CADM2: variants seen among roughly 807,000 people sequenced by gnomAD.
CADM2 encodes the protein cell adhesion molecule 2, also known as immunoglobulin superfamily member 4D.
A neutral mutation model predicts 49.8 loss-of-function variants in CADM2; 12 were observed. That is an observed-to-expected ratio of 0.24 (90% confidence interval 0.15 to 0.39). CADM2 has a LOEUF of 0.39. Ranked by LOEUF, CADM2 falls within the 10% of genes least tolerant of loss-of-function variation. The pLI, the probability that CADM2 is intolerant of heterozygous loss-of-function variation, is 1.00. For synonymous variants in CADM2, 214 were observed against 175.4 expected (o/e 1.22, Z -1.74); for missense variants, 378 against 492.3 (o/e 0.77, Z 2.20).
intron 1 of CADM2, among the ~76,000 whole-genome samples, chr3:85,552,298 T>G (rs959461758): frequency 6.6e-6 from 1 of 151,222 alleles, no homozygotes; most frequent in Non-Finnish European, 1.5e-5. Context: ...AATAATAATT[T>G]GGAGACAGGT....
intron 1 of CADM2, among the ~76,000 whole-genome samples, chr3:85,404,512 G>A (rs956501046): frequency 1.3e-5 from 2 of 152,060 alleles, no homozygotes; most frequent in African/African-American, 2.4e-5. Flanking sequence ...ATGCTTTTGA[G>A]AATTAAGTAT....
chr3:85,547,462 A>AT (rs2061695553), intron 1 of CADM2, among the ~76,000 whole-genome samples: 2 of 150,300 alleles, frequency 1.3e-5, no homozygotes, highest in East Asian at 2.0e-4. Context: ...GACTTGCATT[A>AT]TTTTTTGTCA....
chr3:85,366,470 C>A (rs1389519720), intron 1 of CADM2, among the ~76,000 whole-genome samples: 1 of 152,070 alleles, frequency 6.6e-6, no homozygotes, highest in African/African-American at 2.4e-5. Context: ...TATGACAATG[C>A]AGTCAGAATG....
chr3:85,769,844 G>T (rs575171371), intron 2 of CADM2, among the ~76,000 whole-genome samples: 2 of 149,700 alleles, frequency 1.3e-5, no homozygotes, highest in Admixed American at 1.3e-4. Context: ...TCAGTGTCAA[G>T]ATATCAATGA....
chr3:85,154,492 G>A (rs1307665109), intron 1 of CADM2, among the ~76,000 whole-genome samples: 4 of 152,098 alleles, frequency 2.6e-5, no homozygotes, highest in African/African-American at 9.7e-5. Flanking sequence ...CGGGGAGAAT[G>A]GAACCAAGTT....
intron 1 of CADM2, among the ~76,000 whole-genome samples, chr3:85,198,606 T>C (rs75610468): frequency 2.0e-5 from 3 of 151,888 alleles, no homozygotes; most frequent in East Asian, 3.9e-4. Flanking sequence ...AAAGGTGATA[T>C]TGTAGTTTCA....
chr3:85,213,265 T>C (rs902044066), intron 1 of CADM2, among the ~76,000 whole-genome samples: 6 of 152,124 alleles, frequency 3.9e-5, no homozygotes, highest in African/African-American at 1.4e-4. Flanking sequence ...GTTGATGAAA[T>C]CACTCTGCTT....
chr3:86,019,816 G>T (rs1307257228), intron 8 of CADM2, among the ~76,000 whole-genome samples: 1 of 151,966 alleles, frequency 6.6e-6, no homozygotes, highest in South Asian at 2.1e-4. Context: ...CAATCATGTC[G>T]TCTGCAAACA....
intron 1 of CADM2, 96 bp from the exon 2 acceptor site, chr3:85,726,426 C>T (rs1414590725): frequency 7.6e-7 from 1 of 1,323,450 alleles, no homozygotes; most frequent in African/African-American, 1.4e-5. Context: ...ACTCTTTAGA[C>T]TTTAATAGCA....
chr3:86,004,014 C>G (rs1730484456), intron 8 of CADM2, among the ~76,000 whole-genome samples: 1 of 151,880 alleles, frequency 6.6e-6, no homozygotes, highest in African/African-American at 2.4e-5. Flanking sequence ...AAGTCTGGGC[C>G]ACATGCAGAC....
intron 3 of CADM2, among the ~76,000 whole-genome samples, chr3:85,865,338 C>T (rs1196849283): frequency 6.6e-6 from 1 of 152,174 alleles, no homozygotes; most frequent in Admixed American, 6.5e-5. Context: ...TCTCTGCTTA[C>T]TTTATTTATT....
chr3:86,010,488 T>C (rs904156944), intron 8 of CADM2, among the ~76,000 whole-genome samples: 1 of 151,398 alleles, frequency 6.6e-6, no homozygotes, highest in Admixed American at 6.6e-5. Context: ...ATAATGAATA[T>C]TTAGGAATAA....
At chr3:86,015,618 A>G (rs1186832350) in intron 8 of CADM2, among the ~76,000 whole-genome samples, 2 of 152,224 alleles carry the variant, frequency 1.3e-5, no homozygotes, top group Non-Finnish European at 2.9e-5. Context: ...CTCGCCAAAC[A>G]AGGATTTCAG....
chr3:85,990,069 T>TA (rs1259342529), intron 8 of CADM2, among the ~76,000 whole-genome samples: 1 of 76,418 alleles, frequency 1.3e-5, no homozygotes, highest in Non-Finnish European at 2.8e-5. Flanking sequence ...GAGTTAGAAA[T>TA]GGTGGTAAAT....
At chr3:85,415,602 G>A (rs2035884347) in intron 1 of CADM2, among the ~76,000 whole-genome samples, 1 of 152,056 alleles carries the variant, frequency 6.6e-6, no homozygotes, top group Non-Finnish European at 1.5e-5. Context: ...ATTAGCAGTA[G>A]TATACTTGAA....
chr3:85,194,741 TAC>T (rs896766985), intron 1 of CADM2, among the ~76,000 whole-genome samples: 1 of 151,972 alleles, frequency 6.6e-6, no homozygotes, highest in African/African-American at 2.4e-5. Context: ...ACCCAGGAAT[TAC>T]AGTTTTCTCA....
At chr3:85,997,435 C>G (rs1028617743) in intron 8 of CADM2, among the ~76,000 whole-genome samples, 3 of 152,130 alleles carry the variant, frequency 2.0e-5, no homozygotes, top group Non-Finnish European at 4.4e-5. Context: ...GTAATCTCAT[C>G]ACTGTTTTAT....
intron 1 of CADM2, among the ~76,000 whole-genome samples, chr3:85,099,702 T>A (rs2037939445): frequency 6.6e-6 from 1 of 152,074 alleles, no homozygotes; most frequent in South Asian, 2.1e-4. Flanking sequence ...ACTCCCAACC[T>A]CAGGTGATCC....
At chr3:85,808,976 TCCA>T (rs1269194792) in intron 3 of CADM2, among the ~76,000 whole-genome samples, 5 of 152,182 alleles carry the variant, frequency 3.3e-5, no homozygotes, top group Non-Finnish European at 7.4e-5. Flanking sequence ...ACTGTATATC[TCCA>T]CAACTGCTAT....
Sources: gnomAD v4.1 joint callset for allele counts (sites outside exome capture counted in the v4.1 genomes callset) on GRCh38, gnomAD v4.1.1 for gene constraint, MANE v1.5 for transcripts, NCBI Gene and HGNC (gene_info 2026-07-23, HGNC 2026-07-21) for gene names.